KIRREL3: variants seen among roughly 807,000 people sequenced by gnomAD.
The protein encoded by KIRREL3 is kirre like nephrin family adhesion molecule 3.
KIRREL3 carries 36 observed loss-of-function variants against 89.7 expected under a neutral mutation model. The observed-to-expected ratio is 0.40, with a 90% CI of 0.31 to 0.53. The LOEUF is 0.53. KIRREL3 is among the 20% of genes least tolerant of loss of function. The pLI is 0.49. For synonymous variants in KIRREL3, 445 were observed against 441.4 expected, an observed-to-expected ratio of 1.01 and a Z score of -0.10; for missense variants, 864 against 1,056.6, an observed-to-expected ratio of 0.82 and a Z score of 2.53.
intron 1 of KIRREL3, among the ~76,000 whole-genome samples, chr11:126,581,049 C>T (rs1254334000): frequency 6.6e-6 from 1 of 152,090 alleles, no homozygotes; most frequent in Non-Finnish European, 1.5e-5. Context: ...GCCTGCAATG[C>T]CAGTTTAAAG....
In KIRREL3 at chr11:126,528,541, A is replaced by G. The variant is rs867521750; in HGVS notation, c.134-1854T>C. On this transcript the variant is annotated intron_variant, in intron 2 of 16. Transcript: ENST00000525144. This position sits in a 1 kb window ranked among gnomAD's most constrained non-coding sequence, Gnocchi z 4.6. ...CTCCGAGGAGTCTCATTAAAAATCA[A>G]ATTGGCCTTGAATTGTGGGAGTAAC... is the stretch of plus-strand genomic sequence containing the variant. Among the ~76,000 whole-genome samples the G allele has an allele frequency of 2.4e-4, 36 of 152,258 alleles. No homozygotes were observed. Among genetic ancestry groups the G allele is most frequent in the African/African-American group, 7.7e-4 (32 of 41,540 alleles).
At chr11:126,644,078 G>A (rs560619984) in intron 1 of KIRREL3, among the ~76,000 whole-genome samples, 23 of 152,292 alleles carry the variant, frequency 1.5e-4, no homozygotes, top group Admixed American at 7.8e-4. Context: ...AGTGGCATCA[G>A]CCTCATAGGG....
At position 126,750,532 on chromosome 11, in the gene KIRREL3, T is replaced by C. The variant is rs1949300235; in HGVS notation, c.56-187620A>G. ...GTGAATGTAGCAGCTAGGCTTTTCT[T>C]AGGGCAACTGGGCTGGGCCAGGGTC... On this transcript the variant is annotated intron_variant, in intron 1 of 16. Coordinates refer to ENST00000525144, the MANE Select transcript of KIRREL3 (RefSeq NM_032531.4). This position sits in a 1 kb window ranked among gnomAD's most constrained non-coding sequence, Gnocchi z 4.2. 6.6e-6 allele frequency among the ~76,000 whole-genome samples: 1 copy of C among 152,178 alleles called. No homozygotes were observed. The highest frequency in any genetic ancestry group is 6.5e-5 in the Admixed American group (1 of 15,284).
At chr11:126,538,925 T>G (rs749987037) in intron 2 of KIRREL3, among the ~76,000 whole-genome samples, 2 of 151,374 alleles carry the variant, frequency 1.3e-5, no homozygotes, top group African/African-American at 4.9e-5. Context: ...AAAGAAGGAG[T>G]CACAGAAGGG....
rs1258950546 is a variant in KIRREL3, at chr11:126,811,308, C to T, written c.55+189147G>A. Among the ~76,000 whole-genome samples the T allele has an allele frequency of 3.9e-5, 6 of 152,312 alleles. No individual in the cohort carries two copies. Among genetic ancestry groups the T allele is most frequent in the Non-Finnish European group, 7.3e-5 (5 of 68,034 alleles). On this transcript the variant is annotated intron_variant, in intron 1 of 16. Transcript: ENST00000525144. This position sits in a 1 kb window ranked among gnomAD's most constrained non-coding sequence, Gnocchi z 4.3. ...TTCAGAGAGAACTTTGACCCAGAAC[C>T]GAGTGACTGTTATGGAGCTACGAGG...
chr11:126,897,592 G>A lies in KIRREL3; in HGVS notation c.55+102863C>T, dbSNP rs1320390138. ...CTGTTTGTATATAGCAGACCATTAG[G>A]GTATTTTTATTTCTCTTCTCTCCAT... is the stretch of plus-strand genomic sequence containing the variant. On this transcript the variant is annotated intron_variant, in intron 1 of 16. Coordinates refer to ENST00000525144, the MANE Select transcript of KIRREL3 (RefSeq NM_032531.4). The surrounding 1 kb of genome is among the most constrained non-coding windows in gnomAD (Gnocchi z 4.2). Among the ~76,000 whole-genome samples, 1 of 151,892 alleles carries A rather than the reference G, an allele frequency of 6.6e-6. No individual in the cohort carries two copies. Among genetic ancestry groups the A allele is most frequent in the African/African-American group, 2.4e-5 (1 of 41,340 alleles).
rs1042241465 is a variant in KIRREL3, at chr11:126,768,948, C to T, written c.56-206036G>A. Among the ~76,000 whole-genome samples the T allele has an allele frequency of 3.3e-5, 5 of 152,218 alleles. No individual in the cohort carries two copies. The highest frequency in any genetic ancestry group is 5.9e-5 in the Non-Finnish European group (4 of 68,046). On this transcript the variant is annotated intron_variant, in intron 1 of 16. Coordinates refer to ENST00000525144, the MANE Select transcript of KIRREL3 (RefSeq NM_032531.4). The surrounding 1 kb of genome is among the most constrained non-coding windows in gnomAD (Gnocchi z 4.5). Reference sequence around the variant, plus strand: ...GTTGTAAGCAGAGAAGTAACATGATCTGCTTTGTGTCTCAACATCTTTTTA... The same window carrying T: ...GTTGTAAGCAGAGAAGTAACATGATTTGCTTTGTGTCTCAACATCTTTTTA...
Position 126,516,923 on chromosome 11 carries a change from A to G in KIRREL3, c.433+4392T>C, listed in dbSNP as rs955033057. The stretch of plus-strand genomic sequence containing the variant: ...GCCTGGGCAGCATGGCTAAAAATAC[A>G]AAAATTAGCCAGGCGTGGTGGCACG... On this transcript the variant is annotated intron_variant, in intron 4 of 16. Transcript: ENST00000525144. The surrounding 1 kb of genome is among the most constrained non-coding windows in gnomAD (Gnocchi z 4.9). Among the ~76,000 whole-genome samples the G allele has an allele frequency of 1.3e-5, 2 of 152,038 alleles. No homozygotes were observed. The highest frequency in any genetic ancestry group is 2.9e-5 in the Non-Finnish European group (2 of 68,016).
intron 4 of KIRREL3, among the ~76,000 whole-genome samples, chr11:126,514,306 C>T (rs139302760): frequency 5.9e-5 from 9 of 152,236 alleles, no homozygotes; most frequent in African/African-American, 1.9e-4. Flanking sequence ...AAATGAGATA[C>T]GGCACTAAGA....
chr11:126,701,520 A>G (rs1317183902), intron 1 of KIRREL3, among the ~76,000 whole-genome samples: 4 of 152,138 alleles, frequency 2.6e-5, no homozygotes, highest in Admixed American at 2.6e-4. Flanking sequence ...GTGTCGAGTC[A>G]TCATGAAACT....
Position 126,890,304 on chromosome 11 carries a change from A to G in KIRREL3, c.55+110151T>C, listed in dbSNP as rs1157121121. Among the ~76,000 whole-genome samples the G allele has an allele frequency of 6.6e-6, 1 of 152,188 alleles. No individual in the cohort carries two copies. The highest frequency in any genetic ancestry group is 1.5e-5 in the Non-Finnish European group (1 of 68,030). On this transcript the variant is annotated intron_variant, in intron 1 of 16. Coordinates refer to ENST00000525144, the MANE Select transcript of KIRREL3 (RefSeq NM_032531.4). The surrounding 1 kb of genome is among the most constrained non-coding windows in gnomAD (Gnocchi z 5.1). ...AAGACAGTCAGCCCTGACCAGCAAC[A>G]ATAGCCGAGAAAGGGCTTGTACTGG...
chr11:126,878,858 C>T (rs1043275985), intron 1 of KIRREL3, among the ~76,000 whole-genome samples: 2 of 152,032 alleles, frequency 1.3e-5, no homozygotes, highest in African/African-American at 2.4e-5. Flanking sequence ...ACCAAGTGTC[C>T]CCTTGTGGAC....
chr11:126,603,872 C>T (rs1410405370), intron 1 of KIRREL3, among the ~76,000 whole-genome samples: 1 of 152,186 alleles, frequency 6.6e-6, no homozygotes, highest in Non-Finnish European at 1.5e-5. Flanking sequence ...AGGCTTTTTA[C>T]CCATGTCTCC....
At chr11:126,681,626 A>ACACACACACC (rs751501249) in intron 1 of KIRREL3, among the ~76,000 whole-genome samples, 36 of 152,024 alleles carry the variant, frequency 2.4e-4, no homozygotes, top group African/African-American at 7.7e-4. Context: ...ACACACACAC[A>ACACACACACC]CCAGATCAAG....
chr11:126,510,793 C>T (rs941236379), intron 4 of KIRREL3, among the ~76,000 whole-genome samples: 3 of 152,144 alleles, frequency 2.0e-5, no homozygotes, highest in Non-Finnish European at 4.4e-5. Context: ...GGACTTTGCA[C>T]TGGCCATGGT....
chr11:126,435,005 C>T (rs192403917), intron 13 of KIRREL3, among the ~76,000 whole-genome samples: 20 of 152,174 alleles, frequency 1.3e-4, no homozygotes, highest in Non-Finnish European at 2.5e-4. Flanking sequence ...GGAGCGGGGA[C>T]GAGCAAGAGC....
chr11:126,914,983 C>T (rs979665390), intron 1 of KIRREL3, among the ~76,000 whole-genome samples: 1 of 152,178 alleles, frequency 6.6e-6, no homozygotes, highest in African/African-American at 2.4e-5. Context: ...CAAGTGGACA[C>T]CCCCCTAAGA....
At chr11:126,820,989 G>C (rs1212691712) in intron 1 of KIRREL3, among the ~76,000 whole-genome samples, 1 of 152,040 alleles carries the variant, frequency 6.6e-6, no homozygotes, top group Non-Finnish European at 1.5e-5. Context: ...AGATACCACG[G>C]GCACACAAAA....
chr11:126,996,596 C>T lies in KIRREL3; in HGVS notation c.55+3859G>A, dbSNP rs1041036714. On this transcript the variant is annotated intron_variant, in intron 1 of 16. Transcript: ENST00000525144. The surrounding 1 kb of genome is among the most constrained non-coding windows in gnomAD (Gnocchi z 4.7). ...CTCCCTCTGTTCACTCTATTTTACC[C>T]TTCTGTCTACGAGATGCCTTTCTAT... 6.6e-6 allele frequency among the ~76,000 whole-genome samples: 1 copy of T among 152,142 alleles called. No individual in the cohort carries two copies. The highest frequency in any genetic ancestry group is 1.5e-5 in the Non-Finnish European group (1 of 68,026).
Sources: allele counts gnomAD v4.1 joint callset (sites outside exome capture counted in the v4.1 genomes callset), GRCh38; gene constraint gnomAD v4.1.1; non-coding constraint Gnocchi (gnomAD v3.1); transcripts MANE v1.5; gene names NCBI Gene and HGNC (gene_info 2026-07-23, HGNC 2026-07-21).